The following TTLL11 variants were observed in gnomAD, a reference collection of about 807,000 sequenced individuals.
TTLL11 encodes tubulin tyrosine ligase like 11, also known as tubulin polyglutamylase TTLL11.
Under a neutral mutation model 51.7 loss-of-function variants are expected in TTLL11, and 42 were observed. The ratio of observed to expected loss-of-function variants is 0.81; its 90% CI spans 0.64 to 1.05. TTLL11 has a LOEUF of 1.05. Ranked by LOEUF, TTLL11 falls within the 50% of genes least tolerant of loss-of-function variation. The pLI, the probability that TTLL11 is intolerant of heterozygous loss-of-function variation, is 0.00. For missense variants in TTLL11, 799 were observed against 940.4 expected (o/e 0.85, Z 1.97); for synonymous variants, 381 against 383.5 (o/e 0.99, Z 0.08).
intron 1 of TTLL11, among the ~76,000 whole-genome samples, chr9:122,044,915 A>C (rs1457143891): frequency 6.6e-6 from 1 of 151,712 alleles, no homozygotes; most frequent in African/African-American, 2.4e-5. Context: ...GCAACATAGC[A>C]GGGCCCCCAT....
chr9:121,898,643 G>T (rs1309272906), intron 6 of TTLL11, among the ~76,000 whole-genome samples: 2 of 152,248 alleles, frequency 1.3e-5, no homozygotes, highest in African/African-American at 4.8e-5. Flanking sequence ...GATGGGCCAG[G>T]CACGGTGGGC....
chr9:121,962,083 A>G (rs962486564), intron 6 of TTLL11, among the ~76,000 whole-genome samples: 2 of 152,140 alleles, frequency 1.3e-5, no homozygotes, highest in African/African-American at 4.8e-5. Context: ...TAAAAACAGC[A>G]TACCAAAATT....
chr9:121,865,076 T>TGA (rs1247916767), intron 7 of TTLL11, among the ~76,000 whole-genome samples: 1 of 152,200 alleles, frequency 6.6e-6, no homozygotes, highest in Non-Finnish European at 1.5e-5. Context: ...TTAAAATGTA[T>TGA]GACTTCGAAA....
intron 6 of TTLL11, among the ~76,000 whole-genome samples, chr9:121,951,922 C>T (rs1841863596): frequency 6.6e-6 from 1 of 152,200 alleles, no homozygotes; most frequent in South Asian, 2.1e-4. Context: ...CCTGCCATTG[C>T]CATGGCATTT....
rs536737503 is a variant in TTLL11 at position 121,820,043 on chromosome 9, C to T, written c.*2544G>A. Among the ~76,000 whole-genome samples, 5 of 152,228 alleles carry T rather than the reference C, an allele frequency of 3.3e-5. No homozygotes were observed. Among genetic ancestry groups the T allele is most frequent in the South Asian group, 2.1e-4 (1 of 4,820 alleles). ...GTGCCCTGCGGGTGGGTGGGGCTAT[C>T]GGGGCCTTGTCTGCAGAGGAGGGGG... is the stretch of plus-strand genomic sequence containing the variant. On this transcript the variant is annotated 3_prime_UTR_variant, in exon 9 of 9. Transcript: ENST00000321582.
Position 121,974,890 on chromosome 9 carries a change from C to G in TTLL11, c.1359G>C (p.Glu453Asp). The G allele has an allele frequency of 6.5e-7, 1 of 1,545,904 alleles. No homozygotes were observed. The highest frequency in any genetic ancestry group is 8.7e-7 in the Non-Finnish European group (1 of 1,144,792). Residue 453 changes from glutamate (E) to aspartate (D), a missense_variant, in exon 5 of 9, where the codon GAG (glutamate) becomes GAC (aspartate). Coordinates refer to ENST00000321582, the MANE Select transcript of TTLL11 (RefSeq NM_001139442.2). ...NANPSMRIEH[E>D]HELSPGVFEN... is the part of the protein sequence containing the mutation. ...AGATGCTCAAAATACTTACTTCGTG[C>G]TCATGTTCGATTCTCATACTGGGAT...
At chr9:122,066,826 G>T (rs1845596631) in intron 1 of TTLL11, among the ~76,000 whole-genome samples, 1 of 152,148 alleles carries the variant, frequency 6.6e-6, no homozygotes, top group Non-Finnish European at 1.5e-5. Context: ...CATGGCTAGG[G>T]AGGCCTCAGG....
chr9:122,084,455 C>T (rs1846073405), intron 1 of TTLL11, among the ~76,000 whole-genome samples: 1 of 152,098 alleles, frequency 6.6e-6, no homozygotes, highest in Admixed American at 6.6e-5. Context: ...TGCAAGTCCT[C>T]CTGGAATAGA....
At position 122,092,717 on chromosome 9, in the gene TTLL11, C is replaced by T. The variant is rs1346411141; in HGVS notation, c.432G>A (p.Lys144=). 2 of 1,537,744 alleles carry T rather than the reference C, an allele frequency of 1.3e-6. No individual in the cohort carries two copies. Among genetic ancestry groups the T allele is most frequent in the Non-Finnish European group, 1.7e-6 (2 of 1,147,202 alleles). ...TCCACTTGAGCTGGCGGATGCTGATCTTCAGGGCATCCAGGGAGGTCCTGG... is the reference window on the plus strand; with the variant it reads ...TCCACTTGAGCTGGCGGATGCTGATTTTCAGGGCATCCAGGGAGGTCCTGG... ...SKARTSLDAL[K]ISIRQLKWKE... The change falls in exon 1 of 9, where the codon AAG becomes AAA. Residue 144 remains lysine, a synonymous_variant. Transcript: ENST00000321582.
intron 8 of TTLL11, 98 bp downstream of exon 8, chr9:121,860,239 C>T: frequency 1.1e-6 from 1 of 873,004 alleles, no homozygotes; most frequent in Non-Finnish European, 1.8e-6. Context: ...GCATCATCTT[C>T]TTCCCCCATC....
At chr9:121,900,469 C>G (rs1394644854) in intron 6 of TTLL11, among the ~76,000 whole-genome samples, 1 of 152,134 alleles carries the variant, frequency 6.6e-6, no homozygotes, top group Non-Finnish European at 1.5e-5. Context: ...CCGTGGATTT[C>G]TTTTTATTTT....
chr9:122,036,851 G>C (rs1472021872), intron 2 of TTLL11, among the ~76,000 whole-genome samples: 1 of 152,192 alleles, frequency 6.6e-6, no homozygotes, highest in Non-Finnish European at 1.5e-5. Flanking sequence ...ACCTTTCACA[G>C]GGTAGAGGGT....
At chr9:121,855,600 G>A (rs1837789257) in intron 8 of TTLL11, among the ~76,000 whole-genome samples, 1 of 152,160 alleles carries the variant, frequency 6.6e-6, no homozygotes, top group South Asian at 2.1e-4. Context: ...CTTTGACACA[G>A]CAGGCACTGG....
At chr9:122,035,664 T>C (rs1038610779) in intron 2 of TTLL11, among the ~76,000 whole-genome samples, 1 of 152,228 alleles carries the variant, frequency 6.6e-6, no homozygotes, top group African/African-American at 2.4e-5. Context: ...CTATTCTGAT[T>C]GCCACTAATT....
chr9:121,865,896 A>G (rs899079022), intron 7 of TTLL11, among the ~76,000 whole-genome samples: 3 of 152,260 alleles, frequency 2.0e-5, no homozygotes, highest in Non-Finnish European at 4.4e-5. Flanking sequence ...ATATGGCCAG[A>G]CTGGCATTAG....
intron 3 of TTLL11, among the ~76,000 whole-genome samples, chr9:122,019,332 T>C (rs1045081641): frequency 2.6e-4 from 40 of 152,332 alleles, no homozygotes; most frequent in African/African-American, 9.4e-4. Flanking sequence ...CTCTCCCCTC[T>C]GCACTTAAAA....
intron 6 of TTLL11, among the ~76,000 whole-genome samples, chr9:121,901,589 G>A (rs546015626): frequency 1.4e-4 from 21 of 152,122 alleles, no homozygotes; most frequent in Non-Finnish European, 2.2e-4. Context: ...AGAAGACACT[G>A]TCTTTCCCTC....
chr9:121,856,713 C>T (rs969885604), intron 8 of TTLL11, among the ~76,000 whole-genome samples: 2 of 152,160 alleles, frequency 1.3e-5, no homozygotes, highest in Non-Finnish European at 2.9e-5. Flanking sequence ...TCTTCACAGG[C>T]TTCTTTCTTT....
chr9:121,915,990 TAC>T (rs59554930), intron 6 of TTLL11, among the ~76,000 whole-genome samples: 2,382 of 134,278 alleles, frequency 0.018, 50 homozygotes, highest in African/African-American at 0.048. Context: ...GACACACACA[TAC>T]ACACACACAC....
Sources: allele counts gnomAD v4.1 joint callset (sites outside exome capture counted in the v4.1 genomes callset), GRCh38; gene constraint gnomAD v4.1.1; transcripts MANE v1.5; gene names NCBI Gene and HGNC (gene_info 2026-07-23, HGNC 2026-07-21).